Variants in SLC25A48 observed in about 807,000 individuals in gnomAD.
The protein encoded by SLC25A48 is CTC-321K16.1.
In SLC25A48, 29 loss-of-function variants were observed where a neutral mutation model predicts 32.2. The observed-to-expected ratio is 0.90, with a 90% CI of 0.67 to 1.23. The LOEUF (loss-of-function observed/expected upper bound fraction) is 1.23. Ranked by LOEUF, SLC25A48 falls within the 50% of genes most tolerant of loss-of-function variation. The pLI, the probability that SLC25A48 is intolerant of heterozygous loss-of-function variation, is 0.00. For missense variants in SLC25A48, 399 were observed against 422.7 expected (o/e 0.94, Z 0.49); for synonymous variants, 164 against 172.3 (o/e 0.95, Z 0.38).
At chr5:135,855,505 T>G (rs1039720967) in intron 4 of SLC25A48, among the ~76,000 whole-genome samples, 6 of 152,180 alleles carry the variant, frequency 3.9e-5, no homozygotes, top group Non-Finnish European at 8.8e-5. Context: ...TCCCAGAGGT[T>G]AAGGTAGTTA....
chr5:135,876,884 T>A (rs928684514), intron 6 of SLC25A48, among the ~76,000 whole-genome samples: 1 of 152,216 alleles, frequency 6.6e-6, no homozygotes, highest in Non-Finnish European at 1.5e-5. Context: ...CAGTTCCCAG[T>A]TGGCTTGGGC....
chr5:135,788,034 T>G (rs1034747269), intron 3 of SLC25A48, among the ~76,000 whole-genome samples: 7 of 152,016 alleles, frequency 4.6e-5, no homozygotes, highest in Non-Finnish European at 1.0e-4. Flanking sequence ...TTGTAATATC[T>G]TAGGGTGATA....
intron 3 of SLC25A48, among the ~76,000 whole-genome samples, chr5:135,766,105 G>A (rs562806179): frequency 9.9e-5 from 15 of 151,898 alleles, no homozygotes; most frequent in Middle Eastern, 6.8e-3. Flanking sequence ...ATATCGCGGG[G>A]GATGTACAGC....
chr5:135,779,500 C>A (rs1328049158), intron 3 of SLC25A48, among the ~76,000 whole-genome samples: 1 of 142,862 alleles, frequency 7.0e-6, no homozygotes, highest in African/African-American at 2.5e-5. Flanking sequence ...TGATATTACT[C>A]CCAATATTGC....
chr5:135,878,181 T>G (rs993945632), intron 6 of SLC25A48, among the ~76,000 whole-genome samples: 1 of 152,184 alleles, frequency 6.6e-6, no homozygotes, highest in African/African-American at 2.4e-5. Context: ...AGGCCACAGC[T>G]GCTGGAGGGT....
At chr5:135,771,061 G>A (rs1484946032) in intron 3 of SLC25A48, among the ~76,000 whole-genome samples, 1 of 151,270 alleles carries the variant, frequency 6.6e-6, no homozygotes, top group Non-Finnish European at 1.5e-5. Flanking sequence ...TTAATATTTA[G>A]GGAGGGGAGA....
At chr5:135,850,813 G>A (rs1561532376) in intron 3 of SLC25A48, among the ~76,000 whole-genome samples, 1 of 152,156 alleles carries the variant, frequency 6.6e-6, no homozygotes, top group Non-Finnish European at 1.5e-5. Flanking sequence ...TTTCACAAAG[G>A]AATGAGTGAC....
intron 1 of SLC25A48, among the ~76,000 whole-genome samples, chr5:135,600,013 C>T (rs112767315): frequency 6.6e-6 from 1 of 152,194 alleles, no homozygotes; most frequent in African/African-American, 2.4e-5. Flanking sequence ...ATACTCCCCC[C>T]TCCCTTGGCC....
In SLC25A48 at chr5:135,769,980, C is replaced by A. The variant is rs1003704025; in HGVS notation, c.-520-42543C>A. Among the ~76,000 whole-genome samples the A allele has an allele frequency of 2.7e-5, 4 of 150,792 alleles. No individual in the cohort carries two copies. In the East Asian group the frequency reaches 7.8e-4, roughly 29 times the overall value. ...CTCCCAATTTCGCAGGAGGTGTAAA[C>A]CACCCTGTGATATTGTTGGTAATGT... On this transcript the variant is annotated intron_variant, in intron 3 of 10. Transcript: ENST00000646290.
chr5:135,682,031 A>G (rs940454872), intron 3 of SLC25A48, among the ~76,000 whole-genome samples: 7 of 152,214 alleles, frequency 4.6e-5, no homozygotes, highest in South Asian at 2.1e-4. Flanking sequence ...GTCTGCAAAT[A>G]TCTGGAGCTC....
At chr5:135,679,910 G>A (rs10045021) in intron 3 of SLC25A48, among the ~76,000 whole-genome samples, 122,161 of 152,006 alleles carry the variant, frequency 0.8, 49,342 homozygotes, top group Middle Eastern at 0.9. Flanking sequence ...GTCTCCAGGC[G>A]TACCCCCTAG....
intron 4 of SLC25A48, among the ~76,000 whole-genome samples, chr5:135,819,180 A>T (rs180871350): frequency 5.9e-5 from 9 of 152,276 alleles, no homozygotes; most frequent in Admixed American, 3.3e-4. Context: ...CAAAATAAAG[A>T]TCTAAAGCTT....
chr5:135,665,082 A>T (rs1041117437), intron 3 of SLC25A48, among the ~76,000 whole-genome samples: 1 of 152,206 alleles, frequency 6.6e-6, no homozygotes, highest in Non-Finnish European at 1.5e-5. Context: ...CCATGCCAAC[A>T]TCTATTGTTT....
Position 135,850,455 on chromosome 5 carries a change from A to G in SLC25A48, c.121A>G (p.Asn41Asp). The G allele has an allele frequency of 3.1e-6, 5 of 1,614,138 alleles. No individual in the cohort carries two copies. Among genetic ancestry groups the G allele is most frequent in the Non-Finnish European group, 4.2e-6 (5 of 1,180,006 alleles). Residue 41 changes from asparagine (N) to aspartate (D), a missense_variant, in exon 3 of 8, where the codon AAC (asparagine) becomes GAC (aspartate). Asn to Asp is a conservative substitution (Grantham distance 23). Coordinates refer to ENST00000681962, the MANE Select transcript of SLC25A48 (RefSeq NM_001349336.2). The part of the protein sequence containing the change: ...TRLQAGVGYG[N>D]TLSCIRVVYR... ...CCTGCAGGCTGGCGTTGGCTACGGA[A>G]ACACCCTCAGCTGCATCCGCGTGGT...
intron 3 of SLC25A48, among the ~76,000 whole-genome samples, chr5:135,689,335 A>C (rs1018710526): frequency 6.6e-6 from 1 of 152,170 alleles, no homozygotes; most frequent in Non-Finnish European, 1.5e-5. Flanking sequence ...GATTCTCCAT[A>C]CAATAGACCC....
chr5:135,697,756 G>A (rs1754301304), intron 3 of SLC25A48, among the ~76,000 whole-genome samples: 1 of 152,226 alleles, frequency 6.6e-6, no homozygotes, highest in African/African-American at 2.4e-5. Context: ...CCCAGGGCCT[G>A]AAAGAGAGCT....
intron 6 of SLC25A48, chr5:135,875,511 A>C (rs547069523): frequency 6.6e-6 from 1 of 152,366 alleles, no homozygotes; most frequent in East Asian, 1.9e-4. Flanking sequence ...AAGTCACTGT[A>C]AAGTCCAGCC....
chr5:135,807,595 T>G (rs1237780786), intron 3 of SLC25A48, among the ~76,000 whole-genome samples: 2 of 150,460 alleles, frequency 1.3e-5, no homozygotes, highest in Non-Finnish European at 3.0e-5. Flanking sequence ...AAACTGAATA[T>G]TTTATTAGTA....
intron 3 of SLC25A48, among the ~76,000 whole-genome samples, chr5:135,763,459 C>A (rs1277538454): frequency 1.3e-5 from 2 of 152,118 alleles, no homozygotes; most frequent in African/African-American, 2.4e-5. Flanking sequence ...AGCCCAGGAG[C>A]AGCTACACAG....
Sources: gnomAD v4.1 joint callset for allele counts (sites outside exome capture counted in the v4.1 genomes callset) on GRCh38, gnomAD v4.1.1 for gene constraint, MANE v1.5 for transcripts, NCBI Gene and HGNC (gene_info 2026-07-23, HGNC 2026-07-21) for gene names.